Variants in ITSN2 observed in about 807,000 individuals in gnomAD.
ITSN2 encodes the protein intersectin-2.
Under a neutral mutation model 243.7 loss-of-function variants are expected in ITSN2, and 156 were observed. The ratio of observed to expected loss-of-function variants is 0.64; its 90% CI spans 0.56 to 0.73. The LOEUF is 0.73. Among genes scored for constraint, ITSN2 ranks in the 30% least tolerant of loss-of-function variants. ITSN2 has a pLI of 0.00. For missense variants in ITSN2, 1,801 were observed against 1,996.1 expected (o/e 0.90, Z 1.86); for synonymous variants, 703 against 699.9 (o/e 1.00, Z -0.07).
At chr2:24,242,944 A>G (rs1193392689) in intron 29 of ITSN2, among the ~76,000 whole-genome samples, 2 of 152,186 alleles carry the variant, frequency 1.3e-5, no homozygotes, top group Non-Finnish European at 2.9e-5. Flanking sequence ...ACAAAGAGAA[A>G]TTCGAAACTA....
chr2:24,320,038 G>A (rs1286275777), intron 2 of ITSN2, among the ~76,000 whole-genome samples: 2 of 152,190 alleles, frequency 1.3e-5, no homozygotes, highest in African/African-American at 4.8e-5. Flanking sequence ...AATACACTCT[G>A]CTGTACCCAG....
intron 15 of ITSN2, among the ~76,000 whole-genome samples, chr2:24,287,266 G>A (rs549670376): frequency 2.0e-5 from 3 of 152,054 alleles, no homozygotes; most frequent in African/African-American, 7.2e-5. Flanking sequence ...TTGCTCCATA[G>A]TAGTTTACAT....
intron 22 of ITSN2, among the ~76,000 whole-genome samples, chr2:24,259,146 C>T (rs942797484): frequency 6.6e-6 from 1 of 152,164 alleles, no homozygotes; most frequent in South Asian, 2.1e-4. Context: ...ATTTTTAGAA[C>T]CTACCAAACC....
Position 24,267,780 on chromosome 2 carries a change from C to T in ITSN2, c.2355+2891G>A, listed in dbSNP as rs570709121. On this transcript the variant is annotated intron_variant, in intron 20 of 39. Coordinates refer to ENST00000355123, the MANE Select transcript of ITSN2 (RefSeq NM_006277.3). ...CTATGTTGCCCAGGCTGGTCTCTAA[C>T]GCCAGTACCTACGTGATACTCCTGC... Among the ~76,000 whole-genome samples, 7 of 152,252 alleles carry T rather than the reference C, an allele frequency of 4.6e-5. No homozygotes were observed. In the South Asian group the frequency reaches 1.2e-3, roughly 27 times the overall value.
At chr2:24,257,492 T>G (rs1352278307) in intron 23 of ITSN2, among the ~76,000 whole-genome samples, 1 of 151,856 alleles carries the variant, frequency 6.6e-6, no homozygotes, top group Non-Finnish European at 1.5e-5. Flanking sequence ...GGTATCACTC[T>G]GTCACCCAGG....
chr2:24,330,126 T>C (rs1685604607), intron 1 of ITSN2, among the ~76,000 whole-genome samples: 1 of 152,140 alleles, frequency 6.6e-6, no homozygotes, highest in Admixed American at 6.5e-5. Flanking sequence ...CATAATAGCA[T>C]GTGAATTATA....
intron 22 of ITSN2, 147 bp from the exon 23 acceptor site, chr2:24,258,240 T>A: frequency 3.2e-6 from 2 of 623,050 alleles, no homozygotes; most frequent in Non-Finnish European, 5.6e-6. Flanking sequence ...TAACTGACTT[T>A]AAATTATACA....
rs1400076225 is a variant in ITSN2, at chr2:24,254,437, A to C, written c.2889-6T>G. The C allele has an allele frequency of 6.3e-7, 1 of 1,599,930 alleles. No homozygotes were observed. Among genetic ancestry groups the C allele is most frequent in the Non-Finnish European group, 8.6e-7 (1 of 1,167,828 alleles). On this transcript the variant is annotated splice_polypyrimidine_tract_variant and splice_region_variant and intron_variant, in intron 23 of 39. Transcript: ENST00000355123. ...CTGCATACAAAGCTTCTGGTCTACC[A>C]AATATATAAACAAACAAACAAACAA...
intron 2 of ITSN2, among the ~76,000 whole-genome samples, chr2:24,327,365 G>A (rs1342344365): frequency 1.3e-5 from 2 of 150,008 alleles, no homozygotes; most frequent in East Asian, 1.9e-4. Flanking sequence ...GCCCTATCTC[G>A]GTACACTGCA....
chr2:24,206,803 C>G (rs1438414386), intron 37 of ITSN2, among the ~76,000 whole-genome samples: 2 of 152,048 alleles, frequency 1.3e-5, no homozygotes, highest in Admixed American at 1.3e-4. Flanking sequence ...GATGAGCGCC[C>G]GGAGGATGAT....
In ITSN2 at chr2:24,301,186, A is replaced by G. The variant is rs1574222195; in HGVS notation, c.1049T>C (p.Met350Thr). ...INGTLPSYQK[M>T]QEEEPQKKLP... The stretch of plus-strand genomic sequence containing the variant: ...TTTCTTCTGAGGCTCCTCTTCTTGC[A>G]TTTTCTGATATGAAGGCAGAGTTCC... Residue 350 changes from methionine (M) to threonine (T), a missense_variant, in exon 11 of 40, where the codon ATG (methionine) becomes ACG (threonine). By Grantham distance (81) the Met-to-Thr change is moderately conservative (BLOSUM62 -1). This residue lies in a region of ITSN2 where 787 missense variants were observed against 803.9 expected (regional missense o/e 0.98). Transcript: ENST00000355123. The G allele has an allele frequency of 6.2e-7, 1 of 1,608,434 alleles. No homozygotes were observed. The highest frequency in any genetic ancestry group is 1.7e-5 in the Admixed American group (1 of 59,788).
Position 24,215,692 on chromosome 2 carries a change from G to T in ITSN2, c.3990+357C>A, listed in dbSNP as rs567389823. Among the ~76,000 whole-genome samples, 1,068 of 149,652 alleles carry T rather than the reference G, an allele frequency of 7.1e-3. 9 individuals are homozygous for T. The highest frequency in any genetic ancestry group is 0.025 in the African/African-American group (1,028 of 40,700). Reference sequence around the variant, plus strand: ...AAAAAAAAAAAAAAAAAAAGAGTAAGCTATTTTATACTCTTTCTGGAATAA... The same window carrying T: ...AAAAAAAAAAAAAAAAAAAGAGTAATCTATTTTATACTCTTTCTGGAATAA... On this transcript the variant is annotated intron_variant, in intron 32 of 39. Transcript: ENST00000355123.
At chr2:24,268,311 A>G (rs1676918790) in intron 20 of ITSN2, among the ~76,000 whole-genome samples, 1 of 152,174 alleles carries the variant, frequency 6.6e-6, no homozygotes, top group Non-Finnish European at 1.5e-5. Flanking sequence ...AAGTCCTGGG[A>G]CCTGACTTCA....
At chr2:24,240,548 C>A (rs1414699932) in intron 29 of ITSN2, 1 of 152,138 alleles carries the variant, frequency 6.6e-6, no homozygotes, top group Non-Finnish European at 1.5e-5. Flanking sequence ...GAAGTTTTAA[C>A]TGTTGATTCT....
intron 17 of ITSN2, among the ~76,000 whole-genome samples, chr2:24,278,100 G>C (rs1290530266): frequency 2.0e-5 from 3 of 152,194 alleles, no homozygotes; most frequent in Admixed American, 2.0e-4. Context: ...AAAATGAGGA[G>C]AGTACTCAGT....
At chr2:24,337,321 T>TATATATATAC (rs1553395918) in intron 1 of ITSN2, among the ~76,000 whole-genome samples, 2,237 of 80,790 alleles carry the variant, frequency 0.028, 394 homozygotes, top group African/African-American at 0.047. Context: ...ACAAAATATA[T>TATATATATAC]ATATATATAT....
intron 22 of ITSN2, among the ~76,000 whole-genome samples, chr2:24,259,765 C>G (rs1343861578): frequency 1.3e-5 from 2 of 152,172 alleles, no homozygotes; most frequent in Non-Finnish European, 2.9e-5. Context: ...TTTGTGAAGG[C>G]TGCTCCAATT....
chr2:24,224,639 T>C (rs2151169961), intron 29 of ITSN2, among the ~76,000 whole-genome samples: 1 of 150,292 alleles, frequency 6.7e-6, no homozygotes, highest in East Asian at 1.9e-4. Flanking sequence ...TCTTCAACTT[T>C]TTTTTTTTTT....
intron 17 of ITSN2, among the ~76,000 whole-genome samples, chr2:24,279,252 C>A (rs938300884): frequency 2.0e-5 from 3 of 152,116 alleles, no homozygotes; most frequent in African/African-American, 7.2e-5. Flanking sequence ...TACTCCAGAT[C>A]CTTGGAAGCA....
Sources: gnomAD v4.1 joint callset for allele counts (sites outside exome capture counted in the v4.1 genomes callset) on GRCh38, gnomAD v4.1.1 for gene constraint, gnomAD v4.1.1 regional missense constraint, MANE v1.5 for transcripts, NCBI Gene and HGNC (gene_info 2026-07-23, HGNC 2026-07-21) for gene names.